Variants in POLR2F observed in about 807,000 individuals in gnomAD.
POLR2F encodes the protein DNA-directed RNA polymerases I, II, and III subunit RPABC2.
A neutral mutation model predicts 22.7 loss-of-function variants in POLR2F; 12 were observed. That is an observed-to-expected ratio of 0.53 (90% CI 0.34 to 0.86). The LOEUF is 0.86. Ranked by LOEUF, POLR2F falls within the 40% of genes least tolerant of loss-of-function variation. The probability of loss-of-function intolerance (pLI) is 0.02; values close to 1 mark genes in which losing one functional copy is unlikely to be tolerated. For missense variants in POLR2F, 126 were observed against 171.5 expected, an observed-to-expected ratio of 0.73 and a Z score of 1.48; for synonymous variants, 57 against 66.0, an observed-to-expected ratio of 0.86 and a Z score of 0.66.
At chr22:38,039,023 C>G (rs1162046784) in intron 5 of POLR2F, among the ~76,000 whole-genome samples, 1 of 152,216 alleles carries the variant, frequency 6.6e-6, no homozygotes, top group Non-Finnish European at 1.5e-5. Flanking sequence ...CGTCCCCAGC[C>G]TCCGCGCCAG....
chr22:37,986,069 G>T, upstream of POLR2F: 1 of 1,431,548 alleles, frequency 7.0e-7, no homozygotes, highest in Non-Finnish European at 9.1e-7. The surrounding 1 kb of genome is among the most constrained non-coding windows in gnomAD (Gnocchi z 4.7). Context: ...TCGGGGCCTT[G>T]AAACAGTGAG....
In POLR2F at chr22:38,017,977, A is replaced by G. The variant is rs541476318; in HGVS notation, c.121-7892A>G. ...TAACAGAGGCTATAATGTGGGCCCT[A>G]TAACGTGGCCATAAGGTGGAACGTT... is the stretch of plus-strand genomic sequence containing the variant. On this transcript the variant is annotated intron_variant, in intron 1 of 2. Transcript: ENST00000333418. This position sits in a 1 kb window ranked among gnomAD's most constrained non-coding sequence, Gnocchi z 4.1. 8.1e-4 allele frequency among the ~76,000 whole-genome samples: 123 copies of G among 152,238 alleles called. No homozygotes were observed. Among genetic ancestry groups the G allele is most frequent in the Admixed American group, 2.2e-3 (33 of 15,290 alleles).
At chr22:38,040,912 C>G in intron 5 of POLR2F, 1 of 1,181,064 alleles carries the variant, frequency 8.5e-7, no homozygotes. Context: ...GGGCAAGGAC[C>G]CTGGACAGGA....
chr22:38,003,107 C>T (rs911425315), intron 1 of POLR2F, among the ~76,000 whole-genome samples: 4 of 152,062 alleles, frequency 2.6e-5, no homozygotes, highest in Admixed American at 6.6e-5. Context: ...GGGAGAAAGG[C>T]GAGATACTTG....
Position 37,978,523 on chromosome 22 carries a change from G to A in POLR2F, c.293+11353G>A, listed in dbSNP as rs903211622. 6.6e-6 allele frequency among the ~76,000 whole-genome samples: 1 copy of A among 152,206 alleles called. No homozygotes were observed. Among genetic ancestry groups the A allele is most frequent in the East Asian group, 1.9e-4 (1 of 5,200 alleles). ...GCAAGTGGAATTGGCTACTTCAGTGGGGGTGAGCTCCCTGGGACTGAGGGT... is the reference window on the plus strand; with the variant it reads ...GCAAGTGGAATTGGCTACTTCAGTGAGGGTGAGCTCCCTGGGACTGAGGGT... On this transcript the variant is annotated intron_variant, in intron 4 of 4. Transcript: ENST00000405557. This position sits in a 1 kb window ranked among gnomAD's most constrained non-coding sequence, Gnocchi z 5.0.
downstream of POLR2F, chr22:37,972,245 A>G (rs768420227): frequency 7.7e-7 from 1 of 1,302,490 alleles, no homozygotes; most frequent in Non-Finnish European, 1.0e-6. Context: ...TCCAGAAAGC[A>G]TTTGAGGAAG....
intron 1 of POLR2F, among the ~76,000 whole-genome samples, chr22:38,014,239 A>G (rs773849782): frequency 6.6e-6 from 1 of 151,886 alleles, no homozygotes; most frequent in Non-Finnish European, 1.5e-5. Flanking sequence ...AGGATTTTCT[A>G]TATAGATGAT....
rs113933518 is a variant in POLR2F at position 37,953,808 on chromosome 22, G to A, written c.20+1G>A. 3.7e-6 allele frequency: 6 copies of A among 1,609,674 alleles called. No homozygotes were observed. The Admixed American group carries it at 6.7e-5, about 18-fold the overall frequency. On this transcript the variant is annotated splice_donor_variant, in intron 1 of 4. Transcript: ENST00000442738. LOFTEE classifies it high-confidence loss of function. Reference sequence around the variant, plus strand: ...GTGTCATGTCAGACAACGAGGACAAGTGAGTGCGGGAGCGGAGTGGCCTTT... The same window carrying A: ...GTGTCATGTCAGACAACGAGGACAAATGAGTGCGGGAGCGGAGTGGCCTTT...
At chr22:38,025,662 G>A (rs2085002105) in intron 1 of POLR2F, 4 of 1,560,696 alleles carry the variant, frequency 2.6e-6, no homozygotes, top group Non-Finnish European at 3.5e-6. Context: ...ATCTCCTCCC[G>A]CTGACTTCTC....
At chr22:38,026,050 G>A (rs374730484) in exon 2 of POLR2F, 3 of 537,772 alleles carry the variant, frequency 5.6e-6, no homozygotes, top group East Asian at 5.4e-5. Flanking sequence ...GACGGACTCT[G>A]CTGCCTGCTC....
chr22:37,953,848 A>G, intron 1 of POLR2F, 41 bp downstream of exon 1: 1 of 1,600,406 alleles, frequency 6.2e-7, no homozygotes, highest in Non-Finnish European at 8.5e-7. Context: ...CAACCTTGGA[A>G]GGGGCGGATG....
intron 1 of POLR2F, among the ~76,000 whole-genome samples, chr22:37,999,622 C>T (rs775414322): frequency 4.6e-5 from 7 of 152,056 alleles, no homozygotes; most frequent in East Asian, 1.9e-4. Context: ...GCCACCGAGC[C>T]GAAATGAGCC....
intron 3 of POLR2F, among the ~76,000 whole-genome samples, chr22:37,965,214 C>A (rs1343414411): frequency 6.6e-6 from 1 of 151,194 alleles, no homozygotes; most frequent in Non-Finnish European, 1.5e-5. Context: ...ACCATGTTGG[C>A]CAGGCTGGTC....
intron 1 of POLR2F, among the ~76,000 whole-genome samples, chr22:38,019,532 G>A (rs1027943056): frequency 2.0e-5 from 3 of 152,274 alleles, no homozygotes; most frequent in Non-Finnish European, 1.5e-5. Context: ...GATCCCCCAA[G>A]CACGCCCTGA....
At chr22:37,988,316 G>T (rs956113993) in intron 1 of POLR2F, 1 of 137,792 alleles carries the variant, frequency 7.3e-6, no homozygotes, top group Non-Finnish European at 1.5e-5. Context: ...GGCAAAAAGA[G>T]CGAAACTCTG....
chr22:38,022,294 G>A (rs1246017608), intron 1 of POLR2F, among the ~76,000 whole-genome samples: 1 of 151,948 alleles, frequency 6.6e-6, no homozygotes, highest in African/African-American at 2.4e-5. Context: ...GCTCACACCT[G>A]TAATCCCAGA....
intron 5 of POLR2F, chr22:38,041,018 A>C (rs1215037900): frequency 6.2e-7 from 1 of 1,612,300 alleles, no homozygotes; most frequent in Non-Finnish European, 8.5e-7. Flanking sequence ...TGTCATCCTC[A>C]ACACAGTGAA....
chr22:37,972,092 G>A (rs1233594448), downstream of POLR2F: 46 of 338,646 alleles, frequency 1.4e-4, no homozygotes, highest in East Asian at 3.9e-3. Flanking sequence ...AGGGGGAGGG[G>A]GGAGAGAGAG....
At chr22:38,002,356 C>A (rs2145800236) in intron 1 of POLR2F, among the ~76,000 whole-genome samples, 1 of 152,308 alleles carries the variant, frequency 6.6e-6, no homozygotes, top group East Asian at 1.9e-4. Flanking sequence ...CCAACCAGTT[C>A]TATGTAGCAT....
Sources: gnomAD v4.1 joint callset for allele counts (sites outside exome capture counted in the v4.1 genomes callset) on GRCh38, gnomAD v4.1.1 for gene constraint, Gnocchi (gnomAD v3.1) non-coding constraint, MANE v1.5 for transcripts, NCBI Gene and HGNC (gene_info 2026-07-23, HGNC 2026-07-21) for gene names.